WDR75: variants seen among roughly 807,000 people sequenced by gnomAD.
WDR75 encodes the protein WD repeat domain 75.
Under a neutral mutation model 106.1 loss-of-function variants are expected in WDR75, and 52 were observed. The ratio of observed to expected loss-of-function variants is 0.49; its 90% CI spans 0.39 to 0.62. WDR75 has a LOEUF of 0.62. WDR75 is among the 20% of genes least tolerant of loss of function. The probability of loss-of-function intolerance (pLI) is 0.00; values close to 1 mark genes in which losing one functional copy is unlikely to be tolerated. For synonymous variants in WDR75, 333 were observed against 335.5 expected (o/e 0.99, Z 0.08); for missense variants, 905 against 970.3 (o/e 0.93, Z 0.89).
intron 4 of WDR75, among the ~76,000 whole-genome samples, chr2:189,454,133 TAGG>T (rs1453759669): frequency 6.6e-6 from 1 of 151,932 alleles, no homozygotes; most frequent in African/African-American, 2.4e-5. Flanking sequence ...ATGAGCAACA[TAGG>T]AGGAGTAAAT....
At chr2:189,441,775 T>C (rs1406437782) in intron 1 of WDR75, among the ~76,000 whole-genome samples, 197 bp downstream of exon 1, 2 of 152,158 alleles carry the variant, frequency 1.3e-5, no homozygotes, top group Non-Finnish European at 2.9e-5. Flanking sequence ...CGTCCCCCGA[T>C]TCCTGGACAG....
rs79530632 is a variant in WDR75 at position 189,441,488 on chromosome 2, C to G, written c.-5C>G. ...AGAGATTGGCCATTCCGCTACTGCG[C>G]AAAGATGGTGGAGGAGGAGAACATC... On this transcript the variant is annotated 5_prime_UTR_variant, in exon 1 of 21. Coordinates refer to ENST00000314761, the MANE Select transcript of WDR75 (RefSeq NM_032168.3). 6 of 1,559,302 alleles carry G rather than the reference C, an allele frequency of 3.8e-6. No homozygotes were observed. In the African/African-American group the frequency reaches 5.4e-5, roughly 14 times the overall value.
At chr2:189,462,843 T>C (rs1686925276) in intron 9 of WDR75, among the ~76,000 whole-genome samples, 1 of 152,184 alleles carries the variant, frequency 6.6e-6, no homozygotes, top group Non-Finnish European at 1.5e-5. Flanking sequence ...TTGAGAATTA[T>C]TTTTATAAAA....
At chr2:189,462,726 C>A in intron 9 of WDR75, 84 bp downstream of exon 9, 1 of 1,330,460 alleles carries the variant, frequency 7.5e-7, no homozygotes, top group Admixed American at 2.1e-5. Flanking sequence ...ATAAAGAGAC[C>A]TAAAACTAAG....
intron 5 of WDR75, chr2:189,455,675 CT>C (rs1473280863): frequency 1.5e-5 from 5 of 333,520 alleles, no homozygotes; most frequent in African/African-American, 8.5e-5. Flanking sequence ...CTCTCTTAGA[CT>C]ATGTGTCTTT....
intron 12 of WDR75, among the ~76,000 whole-genome samples, chr2:189,465,639 T>G (rs1273242110): frequency 6.6e-6 from 1 of 152,150 alleles, no homozygotes; most frequent in Non-Finnish European, 1.5e-5. Flanking sequence ...TGTGATTAGA[T>G]AAGGAATCCA....
rs560946794 is a variant in WDR75, at chr2:189,458,824, C to T, written c.641C>T (p.Thr214Met). The change falls in exon 7 of 21, where the codon ACG becomes ATG. Residue 214 changes from threonine (T) to methionine (M), a missense_variant. By Grantham distance (81) the Thr-to-Met change is moderately conservative. Coordinates refer to ENST00000314761, the MANE Select transcript of WDR75 (RefSeq NM_032168.3). ...NNFTCVACHPTEDCIASGHMD... is the reference protein window; with the variant it reads ...NNFTCVACHPMEDCIASGHMD... ...TTTACATGTGTAGCATGTCACCCAA[C>T]GGAAGACTGCATCGCATCTGGTCAC... 108 of 1,608,384 alleles carry T rather than the reference C, an allele frequency of 6.7e-5. No homozygotes were observed. In the Admixed American group the frequency reaches 1.2e-3, roughly 17 times the overall value.
At chr2:189,450,595 G>C in intron 2 of WDR75, 1 of 1,139,124 alleles carries the variant, frequency 8.8e-7, no homozygotes, top group South Asian at 2.3e-5. Flanking sequence ...GAGATTACAG[G>C]TGGCAGCCAC....
intron 1 of WDR75, among the ~76,000 whole-genome samples, chr2:189,443,512 TTTGA>T (rs1359070999): frequency 3.3e-5 from 5 of 152,310 alleles, no homozygotes; most frequent in Admixed American, 1.3e-4. Flanking sequence ...TCAGTTGTAA[TTTGA>T]TTGTGTTTCT....
intron 3 of WDR75, 25 bp from the exon 4 acceptor site, chr2:189,451,780 C>T (rs1686627072): frequency 6.3e-7 from 1 of 1,592,900 alleles, no homozygotes; most frequent in Non-Finnish European, 8.6e-7. Context: ...AGACAGTAAA[C>T]ACTATGGTGC....
At chr2:189,443,077 C>G (rs191257308) in intron 1 of WDR75, among the ~76,000 whole-genome samples, 4 of 152,252 alleles carry the variant, frequency 2.6e-5, no homozygotes, top group African/African-American at 9.6e-5. Context: ...GCTGCAGTGA[C>G]AAAAACTAAG....
Position 189,462,549 on chromosome 2 carries a change from A to G in WDR75, c.844A>G (p.Asn282Asp). Reference protein sequence around the residue: ...LVEWRDATEKNKEFLPRLGAT... With the variant: ...LVEWRDATEKDKEFLPRLGAT... ...AGAGTGGCGCGATGCAACAGAGAAG[A>G]ATAAGGAGTTTCTCCCGCGTTTAGG... The change falls in exon 9 of 21, where the codon AAT becomes GAT. Residue 282 changes from asparagine to aspartate, a missense_variant. Coordinates refer to ENST00000314761, the MANE Select transcript of WDR75 (RefSeq NM_032168.3). The G allele has an allele frequency of 6.2e-7, 1 of 1,614,094 alleles. No individual in the cohort carries two copies. The highest frequency in any genetic ancestry group is 8.5e-7 in the Non-Finnish European group (1 of 1,179,982).
At chr2:189,449,718 A>G (rs748163992) in intron 2 of WDR75, 21 of 988,552 alleles carry the variant, frequency 2.1e-5, no homozygotes, top group Non-Finnish European at 2.5e-5. Context: ...TTGACTTGTT[A>G]CATTTTACTA....
At chr2:189,458,202 C>T (rs944393269) in intron 6 of WDR75, among the ~76,000 whole-genome samples, 4 of 152,086 alleles carry the variant, frequency 2.6e-5, no homozygotes, top group Non-Finnish European at 5.9e-5. Flanking sequence ...GGATTACAGG[C>T]GTGAGCCACT....
intron 1 of WDR75, among the ~76,000 whole-genome samples, chr2:189,444,992 T>C (rs1038001067): frequency 2.0e-5 from 3 of 152,188 alleles, no homozygotes; most frequent in Admixed American, 1.3e-4. Flanking sequence ...TTCTTCACTT[T>C]CTCAACAAAG....
At chr2:189,464,071 C>A in intron 11 of WDR75, 110 bp downstream of exon 11, 1 of 873,268 alleles carries the variant, frequency 1.1e-6, no homozygotes, top group Non-Finnish European at 1.8e-6. Flanking sequence ...CATATGTTTA[C>A]TTGAACATAG....
intron 12 of WDR75, 47 bp from the exon 13 acceptor site, chr2:189,466,378 C>G (rs757260312): frequency 1.3e-6 from 2 of 1,592,066 alleles, no homozygotes; most frequent in Admixed American, 3.6e-5. Context: ...TTATATACAT[C>G]ACTTTGTCCT....
In WDR75 at chr2:189,448,491, C is replaced by T. The variant is rs1451698308; in HGVS notation, c.199C>T (p.Pro67Ser). The change falls in exon 2 of 21, where the codon CCC becomes TCC. Residue 67 changes from proline (P) to serine (S), a missense_variant. Pro to Ser is a moderately conservative substitution (Grantham distance 74, BLOSUM62 -1). Coordinates refer to ENST00000314761, the MANE Select transcript of WDR75 (RefSeq NM_032168.3). ...RNLVTGIQLNPNNHLQLYSCS... is the reference protein window; with the variant it reads ...RNLVTGIQLNSNNHLQLYSCS... ...TCTGGTGACTGGAATCCAGCTTAAC[C>T]CCAACAACCATCTACAGGTGTCAAA... 2.5e-6 allele frequency: 4 copies of T among 1,613,740 alleles called. No homozygotes were observed. The highest frequency in any genetic ancestry group is 2.5e-6 in the Non-Finnish European group (3 of 1,179,850).
At chr2:189,458,975 C>G in intron 7 of WDR75, 103 bp downstream of exon 7, 1 of 1,321,904 alleles carries the variant, frequency 7.6e-7, no homozygotes, top group South Asian at 2.0e-5. Flanking sequence ...CCTCCCTTTC[C>G]TTTTTTGTGT....
Sources: allele counts gnomAD v4.1 joint callset (sites outside exome capture counted in the v4.1 genomes callset), GRCh38; gene constraint gnomAD v4.1.1; transcripts MANE v1.5; gene names NCBI Gene and HGNC (gene_info 2026-07-23, HGNC 2026-07-21).